Variants in TESPA1 observed in about 807,000 individuals in gnomAD.
The protein encoded by TESPA1 is thymocyte expressed, positive selection associated 1.
In TESPA1, 33 loss-of-function variants were observed where a neutral mutation model predicts 57.9. The ratio of observed to expected loss-of-function variants is 0.57; its 90% confidence interval spans 0.43 to 0.76. The LOEUF (loss-of-function observed/expected upper bound fraction) is 0.76, where lower values mean the gene tolerates loss of function less well. TESPA1 is among the 30% of genes least tolerant of loss of function. TESPA1 has a pLI of 0.00. For missense variants in TESPA1, 618 were observed against 632.9 expected, an observed-to-expected ratio of 0.98 and a Z score of 0.25; for synonymous variants, 227 against 228.9, an observed-to-expected ratio of 0.99 and a Z score of 0.07.
At chr12:54,967,053 C>A (rs1419670469) in intron 5 of TESPA1, 130 bp downstream of exon 5, 4 of 975,680 alleles carry the variant, frequency 4.1e-6, no homozygotes, top group Non-Finnish European at 4.7e-6. Context: ...ATGAGACTGC[C>A]CTTTCCCTGT....
chr12:54,973,740 C>T (rs1351896859), intron 2 of TESPA1: 2 of 1,313,042 alleles, frequency 1.5e-6, no homozygotes, highest in South Asian at 2.2e-5. Context: ...CTCCCAAGAA[C>T]CTGGAAAGTG....
chr12:54,949,067 G>C lies in TESPA1; in HGVS notation c.*1325C>G, dbSNP rs1055284120. On this transcript the variant is annotated 3_prime_UTR_variant, in exon 11 of 11. Transcript: ENST00000449076. ...CCCTGTCTCCTGGTTTCTGTGGGTG[G>C]GAAGGGTAGGAAACTTGGAGTGGGG... 1 of 138,204 alleles carries C rather than the reference G, an allele frequency of 7.2e-6. No homozygotes were observed. Among genetic ancestry groups the C allele is most frequent in the African/African-American group, 2.7e-5 (1 of 37,628 alleles). The allele number at this position is 138,204 out of a possible 1,614,324, so 8.6% of individuals were successfully genotyped here.
intron 3 of TESPA1, among the ~76,000 whole-genome samples, chr12:54,971,333 T>A (rs937379489): frequency 6.6e-6 from 1 of 152,254 alleles, no homozygotes; most frequent in Non-Finnish European, 1.5e-5. Flanking sequence ...TAATTTAGAA[T>A]CTCATGTTTA....
intron 3 of TESPA1, among the ~76,000 whole-genome samples, chr12:54,971,907 G>C (rs1316812648): frequency 1.3e-5 from 2 of 151,988 alleles, no homozygotes; most frequent in African/African-American, 4.8e-5. Context: ...ACATTTTGTG[G>C]AATTATAGGT....
rs141291892 is a variant in TESPA1 at position 54,969,055 on chromosome 12, G to GTGTGTAGA, written c.207-1164_207-1163insTCTACACA. Among the ~76,000 whole-genome samples, 151 of 129,792 alleles carry GTGTGTAGA rather than the reference G, an allele frequency of 1.2e-3. 3 individuals are homozygous for GTGTGTAGA. The highest frequency in any genetic ancestry group is 3.9e-3 in the African/African-American group (135 of 34,762). The allele number at this position is 129,792 out of a possible 152,430, so 85.1% of individuals were successfully genotyped here. ...TATATATATATATATATGTGTGTGTGTAGATAGATAGATATAGATATATCT... is the reference window on the plus strand; with the variant it reads ...TATATATATATATATATGTGTGTGTGTGTGTAGATAGATAGATAGATATAGATATATCT... On this transcript the variant is annotated intron_variant, in intron 3 of 10. Coordinates refer to ENST00000449076, the MANE Select transcript of TESPA1 (RefSeq NM_001136030.3).
intron 10 of TESPA1, among the ~76,000 whole-genome samples, chr12:54,957,692 C>T (rs1027168972): frequency 1.3e-5 from 2 of 152,164 alleles, no homozygotes; most frequent in African/African-American, 4.8e-5. Flanking sequence ...AAGAAGAGAT[C>T]TCTTATTCTT....
chr12:54,962,188 A>C (rs1320555877), intron 9 of TESPA1, among the ~76,000 whole-genome samples: 1 of 152,230 alleles, frequency 6.6e-6, no homozygotes, highest in East Asian at 1.9e-4. Context: ...TAATGGGAAC[A>C]TTAAATGGCA....
At chr12:54,964,565 C>T (rs112783642) in intron 7 of TESPA1, among the ~76,000 whole-genome samples, 135 of 152,310 alleles carry the variant, frequency 8.9e-4, no homozygotes, top group African/African-American at 2.8e-3. Flanking sequence ...ATGTCTAAAT[C>T]GGAGTTCCAC....
chr12:54,972,020 G>C (rs1951862417), intron 3 of TESPA1, among the ~76,000 whole-genome samples: 1 of 152,140 alleles, frequency 6.6e-6, no homozygotes, highest in Non-Finnish European at 1.5e-5. Flanking sequence ...AGAACCCTTA[G>C]ACTGTATTAT....
At chr12:54,966,215 A>G (rs754651810) in intron 6 of TESPA1, 64 bp from the exon 7 acceptor site, 9 of 1,566,028 alleles carry the variant, frequency 5.7e-6, no homozygotes, top group Non-Finnish European at 6.9e-6. Flanking sequence ...GCTTCGAGGA[A>G]TCCCTGCTGG....
chr12:54,964,475 G>T (rs1951293152), intron 7 of TESPA1, among the ~76,000 whole-genome samples: 1 of 152,182 alleles, frequency 6.6e-6, no homozygotes, highest in Non-Finnish European at 1.5e-5. Flanking sequence ...CTCCTTTCTA[G>T]CACTATTTTC....
At chr12:54,982,340 A>G (rs3863362) in intron 1 of TESPA1, among the ~76,000 whole-genome samples, 52,924 of 152,092 alleles carry the variant, frequency 0.35, 11,730 homozygotes, top group East Asian at 0.89. Context: ...GGGGAAAAGG[A>G]GAGATGTTAC....
At position 54,974,486 on chromosome 12, in the gene TESPA1, G is replaced by T; in HGVS notation, c.77C>A (p.Thr26Asn). The T allele has an allele frequency of 6.2e-7, 1 of 1,605,304 alleles. No homozygotes were observed. Among genetic ancestry groups the T allele is most frequent in the Non-Finnish European group, 8.5e-7 (1 of 1,176,032 alleles). ...GGCAGCCTCCTCTTCTAGGACCTGGGTCTGCCAGTTACGGCTCTGACGGAG... is the reference window on the plus strand; with the variant it reads ...GGCAGCCTCCTCTTCTAGGACCTGGTTCTGCCAGTTACGGCTCTGACGGAG... ...AWLRQSRNWQ[T>N]QVLEEEAAAA... The change falls in exon 2 of 11, where the codon ACC becomes AAC. Residue 26 changes from threonine to asparagine, a missense_variant. This residue lies in a region of TESPA1 where 199 missense variants were observed against 184.0 expected (regional missense o/e 1.08). Coordinates refer to ENST00000449076, the MANE Select transcript of TESPA1 (RefSeq NM_001136030.3).
In TESPA1 at chr12:54,966,231, T is replaced by C. The variant is rs192669415; in HGVS notation, c.348-80A>G. ...CTTCGAGGAATCCCTGCTGGACTTATTCACCCCCTGAACAGTAGTCTATGC... is the reference window on the plus strand; with the variant it reads ...CTTCGAGGAATCCCTGCTGGACTTACTCACCCCCTGAACAGTAGTCTATGC... On this transcript the variant is annotated intron_variant, in intron 6 of 10. Coordinates refer to ENST00000449076, the MANE Select transcript of TESPA1 (RefSeq NM_001136030.3). 1.6e-3 allele frequency: 2,488 copies of C among 1,563,910 alleles called. 4 individuals carry two copies. The highest frequency in any genetic ancestry group is 2.4e-3 in the Admixed American group (132 of 54,392).
At chr12:54,966,475 T>C in intron 5 of TESPA1, 51 bp from the exon 6 acceptor site, 1 of 1,595,774 alleles carries the variant, frequency 6.3e-7, no homozygotes, top group South Asian at 1.1e-5. Context: ...AAAATGAAAA[T>C]CACCTGTGTT....
chr12:54,974,351 C>A (rs1217978450), intron 2 of TESPA1, 49 bp downstream of exon 2: 30 of 1,506,330 alleles, frequency 2.0e-5, no homozygotes, highest in Non-Finnish European at 2.5e-5. Context: ...CCTGCTGTCA[C>A]CTTTTGCCGC....
intron 10 of TESPA1, among the ~76,000 whole-genome samples, chr12:54,955,008 A>C (rs1442345105): frequency 3.3e-5 from 5 of 152,210 alleles, no homozygotes; most frequent in African/African-American, 1.2e-4. Flanking sequence ...GAGGAAACTT[A>C]GTACTCTTTT....
intron 10 of TESPA1, among the ~76,000 whole-genome samples, chr12:54,957,690 A>G (rs994812617): frequency 5.9e-5 from 9 of 152,218 alleles, no homozygotes; most frequent in African/African-American, 1.9e-4. Context: ...GAAAGAAGAG[A>G]TCTCTTATTC....
At chr12:54,961,859 G>C (rs1203301604) in intron 9 of TESPA1, among the ~76,000 whole-genome samples, 1 of 152,200 alleles carries the variant, frequency 6.6e-6, no homozygotes, top group Non-Finnish European at 1.5e-5. Flanking sequence ...GGAGCTTGTG[G>C]CATTTGGATG....
Sources: gnomAD v4.1 joint callset for allele counts (sites outside exome capture counted in the v4.1 genomes callset) on GRCh38, gnomAD v4.1.1 for gene constraint, gnomAD v4.1.1 regional missense constraint, MANE v1.5 for transcripts, NCBI Gene and HGNC (gene_info 2026-07-23, HGNC 2026-07-21) for gene names.